Variants in WWOX observed in about 807,000 individuals in gnomAD.
The protein encoded by WWOX is WW domain containing oxidoreductase, also known as WW domain-containing oxidoreductase.
A neutral mutation model predicts 46.2 loss-of-function variants in WWOX; 69 were observed. The observed-to-expected ratio is 1.49, with a 90% CI of 1.23 to 1.82. The LOEUF is 1.82. Ranked by LOEUF, WWOX falls within the 40% of genes most tolerant of loss-of-function variation. The pLI is 0.00. For missense variants in WWOX, 919 were observed against 542.6 expected, an observed-to-expected ratio of 1.69 and a Z score of -6.89; for synonymous variants, 359 against 202.6, an observed-to-expected ratio of 1.77 and a Z score of -6.56.
At chr16:78,416,032 A>C (rs1241519868) in intron 6 of WWOX, among the ~76,000 whole-genome samples, 1 of 152,178 alleles carries the variant, frequency 6.6e-6, no homozygotes, top group African/African-American at 2.4e-5. Context: ...CTTCCATTGG[A>C]ATCTCAGGCT....
intron 8 of WWOX, among the ~76,000 whole-genome samples, chr16:78,734,501 G>A (rs2049038263): frequency 6.6e-6 from 1 of 152,174 alleles, no homozygotes; most frequent in South Asian, 2.1e-4. Context: ...AGTGAAGGGA[G>A]ACATTTCTTT....
intron 8 of WWOX, among the ~76,000 whole-genome samples, chr16:79,020,857 A>G (rs1235593091): frequency 6.6e-6 from 1 of 152,206 alleles, no homozygotes; most frequent in Non-Finnish European, 1.5e-5. Context: ...ATTCTACCAC[A>G]AAAGTATAAA....
intron 8 of WWOX, among the ~76,000 whole-genome samples, chr16:78,663,429 A>T (rs980811117): frequency 2.0e-5 from 3 of 152,192 alleles, no homozygotes; most frequent in African/African-American, 7.2e-5. Flanking sequence ...TTCACAGTTC[A>T]TGTCATTCCC....
chr16:79,102,363 ATGCAACATCTCCT>A (rs1349357010), intron 8 of WWOX, among the ~76,000 whole-genome samples: 1 of 152,184 alleles, frequency 6.6e-6, no homozygotes, highest in Non-Finnish European at 1.5e-5. Flanking sequence ...GTTTATCTGC[ATGCAACATCTCCT>A]TCCATTTGAA....
At chr16:78,821,984 C>T (rs371153999) in intron 8 of WWOX, among the ~76,000 whole-genome samples, 1 of 152,160 alleles carries the variant, frequency 6.6e-6, no homozygotes, top group African/African-American at 2.4e-5. Context: ...TCAAGCGATC[C>T]TTCTGCCTCA....
intron 8 of WWOX, among the ~76,000 whole-genome samples, chr16:78,622,099 C>G (rs1375270551): frequency 6.6e-6 from 1 of 152,156 alleles, no homozygotes; most frequent in African/African-American, 2.4e-5. Flanking sequence ...TTACATCATA[C>G]CTGGGCAGCA....
chr16:79,127,424 A>G (rs916310735), intron 8 of WWOX, among the ~76,000 whole-genome samples: 24 of 152,196 alleles, frequency 1.6e-4, no homozygotes, highest in African/African-American at 5.5e-4. Flanking sequence ...ATGGTTCTAA[A>G]TCAGCATATA....
chr16:78,790,613 G>A (rs2050571003), intron 8 of WWOX, among the ~76,000 whole-genome samples: 1 of 152,162 alleles, frequency 6.6e-6, no homozygotes. Flanking sequence ...TTTTCTCTCT[G>A]GCAGATTAAT....
intron 8 of WWOX, among the ~76,000 whole-genome samples, chr16:78,438,522 C>T (rs2151392075): frequency 6.6e-6 from 1 of 152,054 alleles, no homozygotes; most frequent in East Asian, 1.9e-4. Context: ...TTCCCAGGTC[C>T]AAGCCGGTCC....
At chr16:79,150,061 G>C (rs2050249289) in intron 8 of WWOX, among the ~76,000 whole-genome samples, 1 of 152,174 alleles carries the variant, frequency 6.6e-6, no homozygotes, top group Non-Finnish European at 1.5e-5. Flanking sequence ...CTCTGATTAG[G>C]CCTCTCATTT....
At chr16:78,483,970 C>G (rs1161239088) in intron 8 of WWOX, among the ~76,000 whole-genome samples, 1 of 152,032 alleles carries the variant, frequency 6.6e-6, no homozygotes, top group Non-Finnish European at 1.5e-5. Flanking sequence ...AAAGATGGGC[C>G]CCTTTCAGGA....
At chr16:78,516,009 C>T (rs1475665260) in intron 8 of WWOX, among the ~76,000 whole-genome samples, 1 of 152,100 alleles carries the variant, frequency 6.6e-6, no homozygotes, top group Non-Finnish European at 1.5e-5. Context: ...TTTCTCTTCT[C>T]TCCCCTTCCC....
At chr16:78,666,275 C>T (rs1016940387) in intron 8 of WWOX, among the ~76,000 whole-genome samples, 1 of 151,924 alleles carries the variant, frequency 6.6e-6, no homozygotes, top group Non-Finnish European at 1.5e-5. Context: ...GGTGACAGAG[C>T]AAGACACTGT....
chr16:78,757,898 C>T (rs985795313), intron 8 of WWOX, among the ~76,000 whole-genome samples: 3 of 152,090 alleles, frequency 2.0e-5, no homozygotes, highest in African/African-American at 7.2e-5. Context: ...CTCCTAAAGG[C>T]TCCCCCTCCT....
At chr16:78,621,592 C>CTGTTTTTTTTTTTTT (rs2046184592) in intron 8 of WWOX, among the ~76,000 whole-genome samples, 1 of 31,512 alleles carries the variant, frequency 3.2e-5, no homozygotes, top group Non-Finnish European at 5.9e-5. Flanking sequence ...TTGTTCTAAT[C>CTGTTTTTTTTTTTTT]TTTTTTTTTT....
intron 8 of WWOX, among the ~76,000 whole-genome samples, chr16:79,173,904 AC>A (rs1442968965): frequency 6.6e-6 from 1 of 152,202 alleles, no homozygotes; most frequent in Non-Finnish European, 1.5e-5. Flanking sequence ...CTACATAGAT[AC>A]TTTTTTTCAC....
At chr16:78,559,401 A>C (rs573790343) in intron 8 of WWOX, among the ~76,000 whole-genome samples, 53 of 152,334 alleles carry the variant, frequency 3.5e-4, no homozygotes, top group African/African-American at 1.2e-3. Flanking sequence ...ACATGCCTGT[A>C]GACTGAGTGT....
intron 8 of WWOX, among the ~76,000 whole-genome samples, chr16:78,960,346 G>C (rs1347631318): frequency 6.6e-6 from 1 of 152,188 alleles, no homozygotes; most frequent in East Asian, 1.9e-4. Flanking sequence ...TCAAAACTAA[G>C]TCCGTGTTTG....
intron 4 of WWOX, among the ~76,000 whole-genome samples, chr16:78,119,773 G>A (rs2032997453): frequency 6.6e-6 from 1 of 152,024 alleles, no homozygotes; most frequent in South Asian, 2.1e-4. Context: ...GATGCTATTA[G>A]CAAGTATGAA....
Sources: gnomAD v4.1 joint callset for allele counts (sites outside exome capture counted in the v4.1 genomes callset) on GRCh38, gnomAD v4.1.1 for gene constraint, MANE v1.5 for transcripts, NCBI Gene and HGNC (gene_info 2026-07-23, HGNC 2026-07-21) for gene names.